CNTLN: variants seen among roughly 807,000 people sequenced by gnomAD.
CNTLN encodes the protein centlein, also known as centlein, centrosomal protein.
Under a neutral mutation model 180.0 loss-of-function variants are expected in CNTLN, and 212 were observed. The ratio of observed to expected loss-of-function variants is 1.18; its 90% CI spans 1.05 to 1.32. The LOEUF (loss-of-function observed/expected upper bound fraction) is 1.32, where lower values mean the gene tolerates loss of function less well. Ranked by LOEUF, CNTLN falls within the 40% of genes most tolerant of loss-of-function variation. CNTLN has a pLI of 0.00. For synonymous variants in CNTLN, 722 were observed against 563.1 expected (o/e 1.28, Z -3.99); for missense variants, 2,095 against 1,610.9 (o/e 1.30, Z -5.14).
At chr9:17,181,284 C>G (rs1420842374) in intron 2 of CNTLN, among the ~76,000 whole-genome samples, 1 of 152,124 alleles carries the variant, frequency 6.6e-6, no homozygotes, top group African/African-American at 2.4e-5. Flanking sequence ...TTCACTGATT[C>G]TTTCCTGTCC....
At chr9:17,350,583 C>T (rs76318527) in intron 12 of CNTLN, among the ~76,000 whole-genome samples, 2,744 of 152,180 alleles carry the variant, frequency 0.018, 79 homozygotes, top group African/African-American at 0.063. Context: ...TATAACAAAA[C>T]GCCATAGGCT....
intron 12 of CNTLN, among the ~76,000 whole-genome samples, chr9:17,365,226 C>T (rs139697530): frequency 2.7e-4 from 41 of 152,152 alleles, no homozygotes; most frequent in African/African-American, 4.8e-4. Flanking sequence ...TCATAAGATC[C>T]GGTTGTTTAA....
intron 14 of CNTLN, among the ~76,000 whole-genome samples, chr9:17,389,147 A>C (rs1348253631): frequency 1.3e-5 from 2 of 152,062 alleles, no homozygotes; most frequent in Admixed American, 6.6e-5. Context: ...ACAGCAGATA[A>C]TGTGATTGTT....
intron 25 of CNTLN, among the ~76,000 whole-genome samples, chr9:17,502,086 T>C (rs1396082513): frequency 3.3e-5 from 5 of 152,154 alleles, no homozygotes; most frequent in Non-Finnish European, 5.9e-5. Flanking sequence ...GATTTTTTCC[T>C]CTGAAGTTTT....
chr9:17,257,019 A>T (rs1826546958), intron 5 of CNTLN, among the ~76,000 whole-genome samples: 1 of 151,902 alleles, frequency 6.6e-6, no homozygotes, highest in Admixed American at 6.6e-5. Context: ...GTACATGTGC[A>T]CATTGTGCAG....
intron 12 of CNTLN, among the ~76,000 whole-genome samples, chr9:17,366,172 C>T (rs1823800021): frequency 2.0e-5 from 3 of 152,094 alleles, no homozygotes; most frequent in Non-Finnish European, 4.4e-5. Context: ...TTTGCCCAGG[C>T]TGTAGTGCAG....
At position 17,464,535 on chromosome 9, in the gene CNTLN, A is replaced by G; in HGVS notation, c.3443A>G (p.His1148Arg). ...RMERDITMKR[H>R]LIEDLKFRQK... ...GAGAGGGATATAACTATGAAAAGACATTTGATAGAGGACTTGAAATTTCGA... is the reference window on the plus strand; with the variant it reads ...GAGAGGGATATAACTATGAAAAGACGTTTGATAGAGGACTTGAAATTTCGA... Residue 1148 changes from histidine to arginine, a missense_variant, in exon 21 of 26, where the codon CAT becomes CGT. By Grantham distance (29) the His-to-Arg change is conservative. Coordinates refer to ENST00000380647, the MANE Select transcript of CNTLN (RefSeq NM_017738.4). 1 of 1,530,854 alleles carries G rather than the reference A, an allele frequency of 6.5e-7. No homozygotes were observed. 94.8% of individuals were successfully genotyped at this position (1,530,854 alleles called of 1,614,324 possible). A position where few individuals can be genotyped will look rare whatever the true frequency, so the allele number is the denominator to read the frequency against.
chr9:17,524,976 G>C, the CNTLN span, among the ~76,000 whole-genome samples: 1 of 152,124 alleles, frequency 6.6e-6, no homozygotes, highest in Non-Finnish European at 1.5e-5. Context: ...AATCAGTTAA[G>C]ACCACTCTGT....
At chr9:17,147,301 T>G (rs1242997852) in intron 2 of CNTLN, among the ~76,000 whole-genome samples, 1 of 152,174 alleles carries the variant, frequency 6.6e-6, no homozygotes, top group Non-Finnish European at 1.5e-5. Context: ...ACAAATGATT[T>G]TGAATGCAGT....
At chr9:17,206,906 A>T (rs2131928114) in intron 2 of CNTLN, among the ~76,000 whole-genome samples, 1 of 152,354 alleles carries the variant, frequency 6.6e-6, no homozygotes, top group African/African-American at 2.4e-5. Flanking sequence ...GGCCCTCATG[A>T]CTGGGCCTCA....
intron 25 of CNTLN, chr9:17,495,097 CT>C: frequency 2.8e-6 from 1 of 353,250 alleles, no homozygotes; most frequent in Non-Finnish European, 5.6e-6. Context: ...CCAGGCTGGT[CT>C]CCAACTCCTG....
chr9:17,196,060 G>C (rs1273951789), intron 2 of CNTLN, among the ~76,000 whole-genome samples: 2 of 152,110 alleles, frequency 1.3e-5, no homozygotes, highest in Non-Finnish European at 2.9e-5. Flanking sequence ...GCCTTGCTCT[G>C]TCACCCAGGC....
At chr9:17,267,808 C>G (rs897009804) in intron 5 of CNTLN, among the ~76,000 whole-genome samples, 1 of 152,316 alleles carries the variant, frequency 6.6e-6, no homozygotes, top group Non-Finnish European at 1.5e-5. Context: ...ATCACTGATA[C>G]CCTTTCTTCC....
intron 8 of CNTLN, among the ~76,000 whole-genome samples, chr9:17,312,033 T>C (rs1042155137): frequency 2.0e-5 from 3 of 152,062 alleles, no homozygotes; most frequent in African/African-American, 7.2e-5. Context: ...TGCCTGTTCA[T>C]ATATGTAGCT....
chr9:17,231,185 C>G (rs971737298), intron 3 of CNTLN, among the ~76,000 whole-genome samples: 1 of 152,030 alleles, frequency 6.6e-6, no homozygotes, highest in Admixed American at 6.6e-5. Context: ...CCAGAAGCCC[C>G]CTCCATTGAA....
chr9:17,418,570 A>G (rs918167850), intron 18 of CNTLN, among the ~76,000 whole-genome samples: 2 of 152,028 alleles, frequency 1.3e-5, no homozygotes, highest in African/African-American at 4.8e-5. Flanking sequence ...AACTTAGGTA[A>G]ACAGATTAAG....
chr9:17,218,463 A>G (rs1023356470), intron 2 of CNTLN, among the ~76,000 whole-genome samples: 1 of 152,088 alleles, frequency 6.6e-6, no homozygotes, highest in African/African-American at 2.4e-5. Flanking sequence ...GTAATTCACT[A>G]TGCGTATTCA....
the CNTLN span, among the ~76,000 whole-genome samples, chr9:17,522,744 C>T: frequency 1.3e-5 from 2 of 152,052 alleles, no homozygotes; most frequent in Non-Finnish European, 2.9e-5. Context: ...AAAAAACCCA[C>T]TTTTTTAAAA....
At chr9:17,494,466 C>T (rs1267383469) in intron 25 of CNTLN, among the ~76,000 whole-genome samples, 1 of 152,074 alleles carries the variant, frequency 6.6e-6, no homozygotes, top group African/African-American at 2.4e-5. Context: ...ATTTCATCAA[C>T]CAGGTACTAA....
Sources: allele counts gnomAD v4.1 joint callset (sites outside exome capture counted in the v4.1 genomes callset), GRCh38; gene constraint gnomAD v4.1.1; transcripts MANE v1.5; gene names NCBI Gene and HGNC (gene_info 2026-07-23, HGNC 2026-07-21).